Variants in RBFOX1 observed in about 807,000 individuals in gnomAD.
RBFOX1 encodes RNA binding fox-1 homolog 1.
In RBFOX1, 8 loss-of-function variants were observed where a neutral mutation model predicts 57.7. The observed-to-expected ratio is 0.14, with a 90% CI of 0.08 to 0.25. The LOEUF (loss-of-function observed/expected upper bound fraction) is 0.25. RBFOX1 is among the 10% of genes least tolerant of loss of function. The pLI, the probability that RBFOX1 is intolerant of heterozygous loss-of-function variation, is 1.00. For missense variants in RBFOX1, 611 were observed against 548.5 expected, an observed-to-expected ratio of 1.11 and a Z score of -1.14; for synonymous variants, 326 against 222.4, an observed-to-expected ratio of 1.47 and a Z score of -4.15.
At chr16:7,289,458 G>A (rs1196332081) in intron 4 of RBFOX1, among the ~76,000 whole-genome samples, 2 of 150,796 alleles carry the variant, frequency 1.3e-5, no homozygotes, top group East Asian at 1.9e-4. Flanking sequence ...TCATCAGCAA[G>A]AGCATCACTG....
chr16:6,254,836 C>T (rs1445247566), intron 1 of RBFOX1, among the ~76,000 whole-genome samples: 1 of 152,156 alleles, frequency 6.6e-6, no homozygotes, highest in South Asian at 2.1e-4. Flanking sequence ...CTCATGTCCT[C>T]TTTCCTGCCC....
chr16:6,166,409 TG>T (rs965370188), intron 1 of RBFOX1, among the ~76,000 whole-genome samples: 3 of 142,748 alleles, frequency 2.1e-5, no homozygotes, highest in African/African-American at 5.1e-5. Context: ...GGGGCGGGGT[TG>T]GGGGGGAATG....
chr16:5,867,348 G>C (rs1210608020), intron 4 of RBFOX1: 1 of 1,192,202 alleles, frequency 8.4e-7, no homozygotes, highest in African/African-American at 1.6e-5. Context: ...AGGAAACGTG[G>C]TTTTTCTGTC....
chr16:5,672,394 C>G (rs1258927269), intron 3 of RBFOX1, among the ~76,000 whole-genome samples: 1 of 152,146 alleles, frequency 6.6e-6, no homozygotes, highest in African/African-American at 2.4e-5. Flanking sequence ...TGCACCTCTT[C>G]AGTGCCCTCC....
At chr16:7,040,676 T>G (rs1246143684) in intron 3 of RBFOX1, among the ~76,000 whole-genome samples, 1 of 152,186 alleles carries the variant, frequency 6.6e-6, no homozygotes, top group African/African-American at 2.4e-5. Flanking sequence ...TTTCTGTGTG[T>G]GTACCTTGTG....
At chr16:5,399,414 A>G (rs188669185) in intron 1 of RBFOX1, among the ~76,000 whole-genome samples, 9 of 152,356 alleles carry the variant, frequency 5.9e-5, no homozygotes, top group Middle Eastern at 3.4e-3. Context: ...CTCGTAGAAA[A>G]TTTGGGAAAT....
At chr16:5,582,236 G>A (rs753211888) in intron 2 of RBFOX1, among the ~76,000 whole-genome samples, 17 of 152,152 alleles carry the variant, frequency 1.1e-4, no homozygotes, top group Non-Finnish European at 1.9e-4. Context: ...CAGGCTGGTG[G>A]GGAGTTAGGA....
At chr16:5,502,628 A>C (rs549726386) in intron 2 of RBFOX1, among the ~76,000 whole-genome samples, 18 of 152,308 alleles carry the variant, frequency 1.2e-4, no homozygotes, top group Non-Finnish European at 1.8e-4. Flanking sequence ...AGGCGCCTCC[A>C]GCCTCTGTTA....
intron 3 of RBFOX1, among the ~76,000 whole-genome samples, chr16:6,895,320 T>A (rs1296882649): frequency 6.6e-6 from 1 of 151,086 alleles, no homozygotes; most frequent in Admixed American, 6.6e-5. Flanking sequence ...CTGGTTCCAT[T>A]CATGATGATT....
At chr16:5,728,541 GGTCCCTGT>G (rs1240967864) in intron 3 of RBFOX1, among the ~76,000 whole-genome samples, 1 of 152,164 alleles carries the variant, frequency 6.6e-6, no homozygotes, top group Non-Finnish European at 1.5e-5. Context: ...TTCCAGGTAA[GGTCCCTGT>G]GTTAAGAAGT....
rs528658552 is a variant in RBFOX1, at chr16:7,305,537, C to T, written c.28-212610C>T. Among the ~76,000 whole-genome samples the T allele has an allele frequency of 1.7e-4, 26 of 152,310 alleles. No homozygotes were observed. The South Asian group carries it at 3.3e-3, about 19-fold the overall frequency. ...TTTTATCTGTTTTTCCACGGACTCACTTCAAGAGTACCATTTGTTAACATG... is the reference window on the plus strand; with the variant it reads ...TTTTATCTGTTTTTCCACGGACTCATTTCAAGAGTACCATTTGTTAACATG... On this transcript the variant is annotated intron_variant, in intron 4 of 15. Coordinates refer to ENST00000550418, the MANE Select transcript of RBFOX1 (RefSeq NM_018723.4).
At chr16:5,829,777 C>T (rs2056199614) in intron 3 of RBFOX1, among the ~76,000 whole-genome samples, 1 of 152,152 alleles carries the variant, frequency 6.6e-6, no homozygotes, top group African/African-American at 2.4e-5. Flanking sequence ...GCCCCAAAGG[C>T]CTTTGAATGC....
chr16:6,656,915 C>T, intron 3 of RBFOX1, among the ~76,000 whole-genome samples: 1 of 146,476 alleles, frequency 6.8e-6, no homozygotes. Context: ...CTCCTCTCCT[C>T]CCCTCTCCTC....
intron 1 of RBFOX1, among the ~76,000 whole-genome samples, chr16:5,418,901 C>A (rs1244766362): frequency 6.6e-6 from 1 of 152,190 alleles, no homozygotes; most frequent in African/African-American, 2.4e-5. Flanking sequence ...GAATTCCAAG[C>A]AAACAATGCA....
intron 3 of RBFOX1, among the ~76,000 whole-genome samples, chr16:6,677,952 G>A (rs537849784): frequency 3.7e-4 from 57 of 152,216 alleles, no homozygotes; most frequent in African/African-American, 1.3e-3. Flanking sequence ...ATCTAACCTA[G>A]TACCGCCTAA....
At chr16:7,679,655 C>A (rs533004711) in intron 14 of RBFOX1, among the ~76,000 whole-genome samples, 1 of 152,144 alleles carries the variant, frequency 6.6e-6, no homozygotes, top group East Asian at 1.9e-4. Flanking sequence ...ATTCAGGGAT[C>A]TTTGAAAAAT....
rs573019319 is a variant in RBFOX1 at position 6,689,507 on chromosome 16, A to AT, written c.-16+34865dup. Among the ~76,000 whole-genome samples the AT allele has an allele frequency of 2.4e-4, 36 of 152,184 alleles. No individual in the cohort carries two copies. The South Asian group carries it at 5.6e-3, about 24-fold the overall frequency. ...CTGAGTAAGTGTATTTAATGCACAA[A>AT]TTTTTTTTATGTTTATGCAAGAGAT... is the stretch of plus-strand genomic sequence containing the variant. On this transcript the variant is annotated intron_variant, in intron 3 of 15. Coordinates refer to ENST00000550418, the MANE Select transcript of RBFOX1 (RefSeq NM_018723.4).
At chr16:6,901,425 CAG>C (rs1411686187) in intron 3 of RBFOX1, among the ~76,000 whole-genome samples, 9 of 152,140 alleles carry the variant, frequency 5.9e-5, no homozygotes, top group African/African-American at 1.9e-4. Context: ...GACAATAACA[CAG>C]AGTCCAAGAG....
chr16:6,648,421 C>G (rs1313591747), intron 2 of RBFOX1, among the ~76,000 whole-genome samples: 1 of 152,108 alleles, frequency 6.6e-6, no homozygotes, highest in Admixed American at 6.6e-5. Flanking sequence ...GTTCCTCATA[C>G]TCCCCTTATG....
Sources: gnomAD v4.1 joint callset for allele counts (sites outside exome capture counted in the v4.1 genomes callset) on GRCh38, gnomAD v4.1.1 for gene constraint, MANE v1.5 for transcripts, NCBI Gene and HGNC (gene_info 2026-07-23, HGNC 2026-07-21) for gene names.